FMN2: variants seen among roughly 807,000 people sequenced by gnomAD.
FMN2 encodes formin 2.
In FMN2, 51 loss-of-function variants were observed where a neutral mutation model predicts 142.3. The ratio of observed to expected loss-of-function variants is 0.36; its 90% CI spans 0.29 to 0.45. FMN2 has a LOEUF of 0.45. Among genes scored for constraint, FMN2 ranks in the 20% least tolerant of loss-of-function variants. The pLI, the probability that FMN2 is intolerant of heterozygous loss-of-function variation, is 1.00. For missense variants in FMN2, 1,936 were observed against 2,122.8 expected (o/e 0.91, Z 1.73); for synonymous variants, 882 against 869.8 (o/e 1.01, Z -0.25).
chr1:240,333,466 A>G lies in FMN2; in HGVS notation c.4585-421A>G, dbSNP rs538878187. ...TCTATATGCTAATGAGCCTCAATCA[A>G]ACTTACTGTTGGAGTGGTATCTGTT... is the stretch of plus-strand genomic sequence containing the variant. On this transcript the variant is annotated intron_variant, in intron 11 of 17. Coordinates refer to ENST00000319653, the MANE Select transcript of FMN2 (RefSeq NM_020066.5). Among the ~76,000 whole-genome samples the G allele has an allele frequency of 2.6e-5, 4 of 152,314 alleles. No individual in the cohort carries two copies. In the East Asian group the frequency reaches 7.7e-4, roughly 29 times the overall value.
At chr1:240,105,356 A>G (rs1036120022) in intron 1 of FMN2, among the ~76,000 whole-genome samples, 3 of 151,850 alleles carry the variant, frequency 2.0e-5, no homozygotes, top group African/African-American at 7.3e-5. Context: ...TGATCCACTC[A>G]CCTCGGCCTC....
intron 13 of FMN2, among the ~76,000 whole-genome samples, chr1:240,351,235 C>T (rs909050403): frequency 1.6e-4 from 24 of 152,100 alleles, no homozygotes; most frequent in African/African-American, 5.3e-4. Context: ...CATGTCATTC[C>T]GCAGGGGGTG....
intron 16 of FMN2, among the ~76,000 whole-genome samples, chr1:240,449,977 A>G (rs956628422): frequency 6.6e-6 from 1 of 152,156 alleles, no homozygotes; most frequent in African/African-American, 2.4e-5. Flanking sequence ...TATTATTATT[A>G]TAGGTACTGT....
At chr1:240,100,908 C>G (rs1030211340) in intron 1 of FMN2, among the ~76,000 whole-genome samples, 6 of 152,214 alleles carry the variant, frequency 3.9e-5, no homozygotes, top group African/African-American at 1.4e-4. Flanking sequence ...GGCTTAGGCA[C>G]TACTCAGTTG....
At chr1:240,186,358 C>T (rs935182359) in intron 3 of FMN2, among the ~76,000 whole-genome samples, 3 of 152,146 alleles carry the variant, frequency 2.0e-5, no homozygotes, top group Admixed American at 6.5e-5. Context: ...TACTAAGTAC[C>T]AGGCACTATT....
chr1:240,208,069 C>T lies in FMN2; in HGVS notation c.3257C>T (p.Pro1086Leu), dbSNP rs758559908. The T allele has an allele frequency of 3.1e-6, 2 of 651,902 alleles. No individual in the cohort carries two copies. The allele number at this position is 651,902 out of a possible 1,614,324, so 40.4% of individuals were successfully genotyped here. The change falls in exon 5 of 18, where the codon CCC (proline) becomes CTC (leucine). Residue 1086 changes from proline (P) to leucine (L), a missense_variant. Around this residue, in one of 8 missense-constraint regions of FMN2, gnomAD observed 56 missense variants for 111.8 expected, o/e 0.50. Transcript: ENST00000319653. ...PPPPLPGAGI[P>L]PPPPLPGAGI... is the part of the protein sequence containing the mutation. ...CCCCCACTTCCCGGAGCGGGCATAC[C>T]CCCACCTCCCCCTCTACCCGGAGCG...
intron 7 of FMN2, among the ~76,000 whole-genome samples, chr1:240,263,999 T>A (rs930338027): frequency 1.3e-5 from 2 of 152,210 alleles, no homozygotes; most frequent in South Asian, 4.1e-4. Context: ...GTAAACTACC[T>A]AGCATTCCAT....
chr1:240,093,542 G>T lies in FMN2; in HGVS notation c.1433G>T (p.Gly478Val). 6.5e-7 allele frequency: 1 copy of T among 1,547,556 alleles called. No homozygotes were observed. The change falls in exon 1 of 18, where the codon GGC becomes GTC. Residue 478 changes from glycine to valine, a missense_variant. By Grantham distance (109) the Gly-to-Val change is moderately radical. Around this residue, in one of 8 missense-constraint regions of FMN2, gnomAD observed 751 missense variants for 791.8 expected, o/e 0.95. Coordinates refer to ENST00000319653, the MANE Select transcript of FMN2 (RefSeq NM_020066.5). ...CGGGCCGACGGCGGCCTTGCGGCCG[G>T]CCTGAGCCGCTCGGCTGACTGGACG... ...KHRADGGLAA[G>V]LSRSADWTEE...
intron 1 of FMN2, among the ~76,000 whole-genome samples, chr1:240,105,097 C>G (rs940582520): frequency 7.7e-6 from 1 of 129,604 alleles, no homozygotes; most frequent in African/African-American, 2.9e-5. Context: ...CTAGTTTATG[C>G]TTCTTTTTTT....
At chr1:240,361,241 G>T (rs549902037) in intron 14 of FMN2, among the ~76,000 whole-genome samples, 1 of 148,368 alleles carries the variant, frequency 6.7e-6, no homozygotes, top group Non-Finnish European at 1.5e-5. Flanking sequence ...CAAGCAAATT[G>T]GTAGTTGCGT....
rs73122332 is a variant in FMN2 at position 240,292,185 on chromosome 1, C to G, written c.4154-2637C>G. Among the ~76,000 whole-genome samples the G allele has an allele frequency of 8.6e-3, 1,310 of 152,208 alleles. 19 individuals are homozygous for G. The highest frequency in any genetic ancestry group is 0.028 in the African/African-American group (1,164 of 41,520). ...CTGTCACCTTGATATAATTTCAATACTCAGGTTCTTTCCTCCGAAACAAGG... is the reference window on the plus strand; with the variant it reads ...CTGTCACCTTGATATAATTTCAATAGTCAGGTTCTTTCCTCCGAAACAAGG... On this transcript the variant is annotated intron_variant, in intron 7 of 17. Coordinates refer to ENST00000319653, the MANE Select transcript of FMN2 (RefSeq NM_020066.5).
chr1:240,452,687 G>A (rs1252336249), intron 16 of FMN2, among the ~76,000 whole-genome samples: 1 of 152,068 alleles, frequency 6.6e-6, no homozygotes, highest in Admixed American at 6.6e-5. Context: ...TATGAAAAAG[G>A]TAGAAAAAAT....
At chr1:240,275,080 GTTT>G (rs202193888) in intron 7 of FMN2, among the ~76,000 whole-genome samples, 1,588 of 141,092 alleles carry the variant, frequency 0.011, 25 homozygotes, top group African/African-American at 0.036. Context: ...TTTTTTTTAA[GTTT>G]TTTTTTTTTT....
chr1:240,296,304 A>G (rs1669978833), intron 8 of FMN2, among the ~76,000 whole-genome samples: 1 of 151,398 alleles, frequency 6.6e-6, no homozygotes, highest in Admixed American at 6.6e-5. Flanking sequence ...GATATGAGAG[A>G]TGTCTTTAGC....
chr1:240,258,046 T>G lies in FMN2; in HGVS notation c.4153+14T>G. 6.3e-7 allele frequency: 1 copy of G among 1,589,764 alleles called. No homozygotes were observed. Among genetic ancestry groups the G allele is most frequent in the South Asian group, 1.1e-5 (1 of 87,510 alleles). ...ACATACAACATGGTAAGTGTCAAAA[T>G]GAAAATTTAGCTTCTGAATATTAAA... On this transcript the variant is annotated intron_variant, in intron 7 of 17. Coordinates refer to ENST00000319653, the MANE Select transcript of FMN2 (RefSeq NM_020066.5).
intron 16 of FMN2, among the ~76,000 whole-genome samples, chr1:240,461,881 C>T (rs1452734187): frequency 6.6e-6 from 1 of 152,112 alleles, no homozygotes; most frequent in East Asian, 1.9e-4. Flanking sequence ...ACACCACTGC[C>T]CCACTGTAAA....
At chr1:240,276,712 C>T (rs572180488) in intron 7 of FMN2, among the ~76,000 whole-genome samples, 5 of 152,240 alleles carry the variant, frequency 3.3e-5, no homozygotes, top group African/African-American at 9.6e-5. Context: ...GCTCAATTTT[C>T]CACAATCATG....
At chr1:240,171,766 T>C (rs1010979403) in intron 2 of FMN2, among the ~76,000 whole-genome samples, 1 of 152,234 alleles carries the variant, frequency 6.6e-6, no homozygotes, top group Non-Finnish European at 1.5e-5. Flanking sequence ...ATTTATAACC[T>C]AGTGAAAAGA....
At chr1:240,377,776 A>T (rs879194859) in intron 14 of FMN2, among the ~76,000 whole-genome samples, 2 of 152,162 alleles carry the variant, frequency 1.3e-5, no homozygotes, top group African/African-American at 4.8e-5. Flanking sequence ...AGCAACCTTA[A>T]TTCCATATGC....
Sources: allele counts gnomAD v4.1 joint callset (sites outside exome capture counted in the v4.1 genomes callset), GRCh38; gene constraint gnomAD v4.1.1; regional missense constraint gnomAD v4.1.1; transcripts MANE v1.5; gene names NCBI Gene and HGNC (gene_info 2026-07-23, HGNC 2026-07-21).